Variants in KCNIP4 observed in about 807,000 individuals in gnomAD.
KCNIP4 encodes the protein potassium voltage-gated channel interacting protein 4.
In KCNIP4, 12 loss-of-function variants were observed where a neutral mutation model predicts 34.0. The ratio of observed to expected loss-of-function variants is 0.35; its 90% CI spans 0.23 to 0.57. The LOEUF (loss-of-function observed/expected upper bound fraction) is 0.57. KCNIP4 is among the 20% of genes least tolerant of loss of function. The probability of loss-of-function intolerance (pLI) is 0.83; values close to 1 mark genes in which losing one functional copy is unlikely to be tolerated. For synonymous variants in KCNIP4, 124 were observed against 102.2 expected (o/e 1.21, Z -1.29); for missense variants, 238 against 311.7 (o/e 0.76, Z 1.78).
At chr4:21,669,268 G>A (rs565730044) in intron 1 of KCNIP4, among the ~76,000 whole-genome samples, 2 of 152,106 alleles carry the variant, frequency 1.3e-5, no homozygotes, top group Non-Finnish European at 2.9e-5. Context: ...GGGACCACAG[G>A]TGCGTGCCAA....
chr4:21,098,332 T>G (rs1747643137), intron 1 of KCNIP4, among the ~76,000 whole-genome samples: 4 of 152,346 alleles, frequency 2.6e-5, no homozygotes, highest in South Asian at 2.1e-4. Context: ...CCAAATGGTC[T>G]TTTATTGGAA....
chr4:21,865,347 G>A (rs1725352111), intron 1 of KCNIP4, among the ~76,000 whole-genome samples: 1 of 150,790 alleles, frequency 6.6e-6, no homozygotes. Context: ...GGGTGAGGAA[G>A]GGAGGAAGAA....
chr4:21,889,532 T>C (rs1726972031), intron 1 of KCNIP4, among the ~76,000 whole-genome samples: 1 of 152,124 alleles, frequency 6.6e-6, no homozygotes, highest in African/African-American at 2.4e-5. Context: ...AGGCAGGAGC[T>C]ATCATCCCTA....
At chr4:21,222,847 T>G (rs999291088) in intron 1 of KCNIP4, among the ~76,000 whole-genome samples, 1 of 152,188 alleles carries the variant, frequency 6.6e-6, no homozygotes, top group Non-Finnish European at 1.5e-5. Context: ...TTTTGCAATA[T>G]TGCCTACCCA....
intron 3 of KCNIP4, among the ~76,000 whole-genome samples, chr4:20,823,353 G>T (rs560051110): frequency 3.3e-4 from 50 of 152,250 alleles, no homozygotes; most frequent in African/African-American, 1.2e-3. Flanking sequence ...GGGAGCCATT[G>T]AAGAATGTAA....
chr4:21,364,883 G>A (rs1051040903), intron 1 of KCNIP4, among the ~76,000 whole-genome samples: 3 of 152,150 alleles, frequency 2.0e-5, no homozygotes, highest in Non-Finnish European at 4.4e-5. Context: ...GTTGGACTTC[G>A]ATGGTTGGGG....
chr4:20,864,275 T>C (rs1284298116), intron 2 of KCNIP4, among the ~76,000 whole-genome samples: 5 of 151,564 alleles, frequency 3.3e-5, no homozygotes, highest in African/African-American at 4.8e-5. Context: ...TATGTACACA[T>C]ATGTATGCAT....
chr4:20,976,806 C>T (rs975487597), intron 1 of KCNIP4, among the ~76,000 whole-genome samples: 3 of 152,226 alleles, frequency 2.0e-5, no homozygotes, highest in Admixed American at 1.3e-4. Flanking sequence ...ACTCTATAAT[C>T]ATGTTTGAAC....
chr4:21,591,009 G>A (rs1285583709), intron 1 of KCNIP4, among the ~76,000 whole-genome samples: 1 of 151,914 alleles, frequency 6.6e-6, no homozygotes, highest in Non-Finnish European at 1.5e-5. Context: ...ACCTTGTCAA[G>A]AGGAGGAGAC....
chr4:21,242,178 A>AAAAAAAAAAAAAC (rs1759872660), intron 1 of KCNIP4, among the ~76,000 whole-genome samples: 1 of 151,396 alleles, frequency 6.6e-6, no homozygotes, highest in African/African-American at 2.4e-5. Flanking sequence ...AAAAAAAAAA[A>AAAAAAAAAAAAAC]AAAAAAAAGA....
chr4:20,855,008 T>C (rs1430028548), intron 2 of KCNIP4, among the ~76,000 whole-genome samples: 1 of 152,214 alleles, frequency 6.6e-6, no homozygotes, highest in Non-Finnish European at 1.5e-5. Flanking sequence ...TATTAAATTA[T>C]ATAGGTTTGC....
intron 1 of KCNIP4, among the ~76,000 whole-genome samples, chr4:21,430,505 T>A (rs1726345525): frequency 6.6e-6 from 1 of 151,958 alleles, no homozygotes; most frequent in Non-Finnish European, 1.5e-5. Flanking sequence ...CAGTGAAGAA[T>A]CCTCAATTAC....
At chr4:21,550,965 T>TA in intron 1 of KCNIP4, among the ~76,000 whole-genome samples, 1 of 152,206 alleles carries the variant, frequency 6.6e-6, no homozygotes, top group African/African-American at 2.4e-5. Flanking sequence ...GAGGGTCACT[T>TA]ACGGTCACTC....
intron 1 of KCNIP4, among the ~76,000 whole-genome samples, chr4:21,317,682 G>A (rs1211491910): frequency 6.6e-6 from 1 of 152,104 alleles, no homozygotes. Context: ...GAACTGATAT[G>A]GTTTGGCTGT....
rs762715015 is a variant in KCNIP4, at chr4:21,143,941, C to CT, written c.62-261233dup. On this transcript the variant is annotated intron_variant, in intron 1 of 8. Transcript: ENST00000382152. The stretch of plus-strand genomic sequence containing the variant: ...GCCAGGCTGGTCTTGAACTCCTGGC[C>CT]TGGTGATCCACCCACCTTGGTCTCC... 8.5e-5 allele frequency among the ~76,000 whole-genome samples: 13 copies of CT among 152,160 alleles called. No individual in the cohort carries two copies. In the East Asian group the frequency reaches 2.1e-3, roughly 25 times the overall value.
intron 1 of KCNIP4, among the ~76,000 whole-genome samples, chr4:21,249,069 T>C (rs761093566): frequency 7.4e-4 from 112 of 152,154 alleles, no homozygotes; most frequent in Non-Finnish European, 1.4e-3. Flanking sequence ...AATTCGTATT[T>C]TCTTTAAAGT....
At chr4:21,265,584 A>C (rs1049527075) in intron 1 of KCNIP4, among the ~76,000 whole-genome samples, 5 of 152,206 alleles carry the variant, frequency 3.3e-5, no homozygotes, top group Non-Finnish European at 7.3e-5. Flanking sequence ...TTTATAGGAA[A>C]TAATAGCAAC....
chr4:21,923,507 G>T lies in KCNIP4; in HGVS notation c.61+25064C>A, dbSNP rs192264845. On this transcript the variant is annotated intron_variant, in intron 1 of 8. Transcript: ENST00000382152. ...GAGGCAGGAGAATTGCTTGAATCCA[G>T]GAGGTAGAGATTGAAGTGAGCCAAG... Among the ~76,000 whole-genome samples the T allele has an allele frequency of 3.9e-5, 6 of 152,264 alleles. No homozygotes were observed. The East Asian group carries it at 1.2e-3, about 29-fold the overall frequency.
intron 1 of KCNIP4, among the ~76,000 whole-genome samples, chr4:21,527,993 T>G (rs1320314137): frequency 6.6e-6 from 1 of 152,138 alleles, no homozygotes; most frequent in Non-Finnish European, 1.5e-5. Flanking sequence ...TTTTATGTAT[T>G]CCTTACTTCC....
Sources: gnomAD v4.1 joint callset for allele counts (sites outside exome capture counted in the v4.1 genomes callset) on GRCh38, gnomAD v4.1.1 for gene constraint, MANE v1.5 for transcripts, NCBI Gene and HGNC (gene_info 2026-07-23, HGNC 2026-07-21) for gene names.